OR56A1: variants seen among roughly 807,000 people sequenced by gnomAD.
OR56A1 encodes olfactory receptor family 56 subfamily A member 1.
For synonymous variants in OR56A1, 174 were observed against 159.1 expected (o/e 1.09, Z -0.70); for missense variants, 360 against 380.9 (o/e 0.94, Z 0.46).
In OR56A1 at chr11:6,027,303, G is replaced by A; in HGVS notation, c.390C>T (p.Cys130=). The change falls in exon 2 of 2, where the codon TGC becomes TGT. Residue 130 remains cysteine (C), a synonymous_variant. Transcript: ENST00000641900. ...TGATGGATGGGTACCGCAGTGGGTG[G>A]CAGATGGCCACATAACGGTCATAGG... The part of the protein sequence containing the change: ...VMAYDRYVAI[C]HPLRYPSIIT... 2 of 1,614,246 alleles carry A rather than the reference G, an allele frequency of 1.2e-6. No homozygotes were observed. The highest frequency in any genetic ancestry group is 1.7e-6 in the Non-Finnish European group (2 of 1,180,046).
chr11:6,030,674 G>A (rs933783085), intron 1 of OR56A1, 28 bp downstream of exon 1: 5 of 152,140 alleles, frequency 3.3e-5, no homozygotes, highest in African/African-American at 1.2e-4. Flanking sequence ...GGAAGGCTGT[G>A]CATCTTATGC....
chr11:6,030,177 C>T (rs1005142951), intron 1 of OR56A1, among the ~76,000 whole-genome samples: 28 of 152,220 alleles, frequency 1.8e-4, no homozygotes, highest in African/African-American at 6.0e-4. Context: ...ACTATTACCT[C>T]GAGTAAAAAG....
rs1848430927 is a variant in OR56A1 at position 6,024,815 on chromosome 11, A to G, written c.*1933T>C. On this transcript the variant is annotated 3_prime_UTR_variant, in exon 2 of 2. Transcript: ENST00000641900. Reference sequence around the variant, plus strand: ...CAACTGTGAAATGGAGAGAAGTTCTATTAGAGAATTCTGTGCTTAAAATAT... The same window carrying G: ...CAACTGTGAAATGGAGAGAAGTTCTGTTAGAGAATTCTGTGCTTAAAATAT... 6.6e-6 allele frequency: 1 copy of G among 152,196 alleles called. No homozygotes were observed. 9.4% of individuals were successfully genotyped at this position (152,196 alleles called of 1,614,324 possible).
At position 6,021,472 on chromosome 11, in the gene OR56A1, A is replaced by G. The variant is rs964014739; in HGVS notation, c.*5276T>C. ...TGCTAATTACCCTGATCTGCTCACTACACGTTGTATGTAACTTCATAAATA... is the reference window on the plus strand; with the variant it reads ...TGCTAATTACCCTGATCTGCTCACTGCACGTTGTATGTAACTTCATAAATA... On this transcript the variant is annotated 3_prime_UTR_variant, in exon 2 of 2. Coordinates refer to ENST00000641900, the MANE Select transcript of OR56A1 (RefSeq NM_001388488.1). 6.6e-6 allele frequency: 1 copy of G among 152,124 alleles called. No homozygotes were observed. The allele number at this position is 152,124 out of a possible 1,614,324, so 9.4% of individuals were successfully genotyped here. A position where few individuals can be genotyped will look rare whatever the true frequency, so the allele number is the denominator to read the frequency against.
chr11:6,024,466 T>C lies in OR56A1; in HGVS notation c.*2282A>G, dbSNP rs542682629. Reference sequence around the variant, plus strand: ...CTGGGCTTGCTTCCGGGTGAAATCATGGCAGATGCAGGGAAAGCACTCCTG... The same window carrying C: ...CTGGGCTTGCTTCCGGGTGAAATCACGGCAGATGCAGGGAAAGCACTCCTG... On this transcript the variant is annotated 3_prime_UTR_variant, in exon 2 of 2. Transcript: ENST00000641900. The C allele has an allele frequency of 6.6e-6, 1 of 152,350 alleles. No homozygotes were observed. Among genetic ancestry groups the C allele is most frequent in the Non-Finnish European group, 1.5e-5 (1 of 68,032 alleles). 9.4% of individuals were successfully genotyped at this position (152,350 alleles called of 1,614,324 possible). A position where few individuals can be genotyped will look rare whatever the true frequency, so the allele number is the denominator to read the frequency against.
In OR56A1 at chr11:6,020,907, A is replaced by C. The variant is rs1272021763; in HGVS notation, c.*5841T>G. On this transcript the variant is annotated 3_prime_UTR_variant, in exon 2 of 2. Coordinates refer to ENST00000641900, the MANE Select transcript of OR56A1 (RefSeq NM_001388488.1). ...GCCAGTTTTATAGGGGAATGCTTCC[A>C]TCTTTTGCCCATTTTGGAGGTCAAA... The C allele has an allele frequency of 2.6e-5, 4 of 152,096 alleles. No individual in the cohort carries two copies. The highest frequency in any genetic ancestry group is 1.3e-4 in the Admixed American group (2 of 15,272). 9.4% of individuals were successfully genotyped at this position (152,096 alleles called of 1,614,324 possible).
chr11:6,022,438 CATT>C lies in OR56A1; in HGVS notation c.*4307_*4309del, dbSNP rs1848406553. 6.6e-6 allele frequency: 1 copy of C among 152,142 alleles called. No individual in the cohort carries two copies. Among genetic ancestry groups the C allele is most frequent in the Non-Finnish European group, 1.5e-5 (1 of 68,010 alleles). The allele number at this position is 152,142 out of a possible 1,614,324, so 9.4% of individuals were successfully genotyped here. ...TTATTGTGTTAGGCCACTGTGCTAT[CATT>C]GTTACAGTAGCTAACTTTAATTGCA... On this transcript the variant is annotated 3_prime_UTR_variant, in exon 2 of 2. Transcript: ENST00000641900.
upstream of OR56A1, among the ~76,000 whole-genome samples, chr11:6,031,523 G>A (rs1207377606): frequency 6.6e-6 from 1 of 152,170 alleles, no homozygotes; most frequent in Non-Finnish European, 1.5e-5. Flanking sequence ...CTGAGGCACT[G>A]AGGATGGGAA....
chr11:6,027,554 T>C lies in OR56A1; in HGVS notation c.139A>G (p.Thr47Ala). The change falls in exon 2 of 2, where the codon ACC becomes GCC. Residue 47 changes from threonine (T) to alanine (A), a missense_variant. Coordinates refer to ENST00000641900, the MANE Select transcript of OR56A1 (RefSeq NM_001388488.1). ...TCCAGCTGGATGGTGATCAGGAGGG[T>C]GGTGTTAGCTCCCATGGCCAGGAGG... ...LFLLAMGANT[T>A]LLITIQLEAS... 8 of 1,612,756 alleles carry C rather than the reference T, an allele frequency of 5.0e-6. No individual in the cohort carries two copies. Among genetic ancestry groups the C allele is most frequent in the Non-Finnish European group, 5.9e-6 (7 of 1,179,724 alleles).
At position 6,026,962 on chromosome 11, in the gene OR56A1, C is replaced by A; in HGVS notation, c.731G>T (p.Cys244Phe). Residue 244 changes from cysteine (C) to phenylalanine (F), a missense_variant, in exon 2 of 2, where the codon TGT (cysteine) becomes TTT (phenylalanine). Transcript: ENST00000641900. The part of the protein sequence containing the change: ...EGAAVKALST[C>F]GSHFILILFF... ...AAGAATGAGGATGAAGTGGGAGCCA[C>A]ATGTGCTCAGGGCCTTCACTGCCGC... 3.7e-6 allele frequency: 6 copies of A among 1,614,126 alleles called. No homozygotes were observed. The highest frequency in any genetic ancestry group is 5.1e-6 in the Non-Finnish European group (6 of 1,179,972).
At position 6,020,682 on chromosome 11, in the gene OR56A1, T is replaced by C. The variant is rs1350398625; in HGVS notation, c.*6066A>G. ...TTTGTATCCTGCAACTTTACTAACG[T>C]TTATCAGCTGGAGGAGGTTTTGGGC... is the stretch of plus-strand genomic sequence containing the variant. On this transcript the variant is annotated 3_prime_UTR_variant, in exon 2 of 2. Coordinates refer to ENST00000641900, the MANE Select transcript of OR56A1 (RefSeq NM_001388488.1). 6.6e-6 allele frequency: 1 copy of C among 152,262 alleles called. No individual in the cohort carries two copies. Among genetic ancestry groups the C allele is most frequent in the East Asian group, 1.9e-4 (1 of 5,192 alleles). 9.4% of individuals were successfully genotyped at this position (152,262 alleles called of 1,614,324 possible). A position where few individuals can be genotyped will look rare whatever the true frequency, so the allele number is the denominator to read the frequency against.
In OR56A1 at chr11:6,025,529, T is replaced by C. The variant is rs1203838033; in HGVS notation, c.*1219A>G. On this transcript the variant is annotated 3_prime_UTR_variant, in exon 2 of 2. Coordinates refer to ENST00000641900, the MANE Select transcript of OR56A1 (RefSeq NM_001388488.1). ...TGGTTGGTTGGTTGATTGGTTTTGG[T>C]TTTTGTTTAACTCCCAGCCTTATTG... 2 of 152,270 alleles carry C rather than the reference T, an allele frequency of 1.3e-5. No individual in the cohort carries two copies. The highest frequency in any genetic ancestry group is 2.9e-5 in the Non-Finnish European group (2 of 68,064). The allele number at this position is 152,270 out of a possible 1,614,324, so 9.4% of individuals were successfully genotyped here. A position where few individuals can be genotyped will look rare whatever the true frequency, so the allele number is the denominator to read the frequency against.
At position 6,027,019 on chromosome 11, in the gene OR56A1, A is replaced by G. The variant is rs554287498; in HGVS notation, c.674T>C (p.Leu225Pro). The G allele has an allele frequency of 3.1e-4, 502 of 1,614,214 alleles. 4 individuals are homozygous for G. In the South Asian group the frequency reaches 5.2e-3, roughly 17 times the overall value. Residue 225 changes from leucine (L) to proline (P), a missense_variant, in exon 2 of 2, where the codon CTA becomes CCA. Leu to Pro is a moderately conservative substitution (Grantham distance 98). Coordinates refer to ENST00000641900, the MANE Select transcript of OR56A1 (RefSeq NM_001388488.1). ...FLIFLSYTFI[L>P]RAVLRFKAEG... ...TGCTTTGAATCTAAGCACAGCTCTT[A>G]GAATGAAGGTGTAAGAGAGGAAGAT...
chr11:6,027,208 ATGGGT>A lies in OR56A1; in HGVS notation c.480_484del (p.Pro161SerfsTer16), dbSNP rs1848459906. ...ATGGAGCAGGGAAGTGAGGATAGGAATGGGTGCAGTAAGAAGCGCATTCCGCACCA... is the reference window on the plus strand; with the variant it reads ...ATGGAGCAGGGAAGTGAGGATAGGAAGCAGTAAGAAGCGCATTCCGCACCA... On this transcript the variant is annotated frameshift_variant, in exon 2 of 2. Coordinates refer to ENST00000641900, the MANE Select transcript of OR56A1 (RefSeq NM_001388488.1). LOFTEE classifies it low-confidence loss of function (END_TRUNC). The A allele has an allele frequency of 6.2e-7, 1 of 1,614,106 alleles. No individual in the cohort carries two copies. The highest frequency in any genetic ancestry group is 8.5e-7 in the Non-Finnish European group (1 of 1,180,032).
chr11:6,024,428 C>T lies in OR56A1; in HGVS notation c.*2320G>A, dbSNP rs1379269586. On this transcript the variant is annotated 3_prime_UTR_variant, in exon 2 of 2. Transcript: ENST00000641900. ...TTTTGGCCAAATAACATAGACTCCT[C>T]TTTGAGTTCATTCTGGGCTTGCTTC... 1 of 152,198 alleles carries T rather than the reference C, an allele frequency of 6.6e-6. No homozygotes were observed. Among genetic ancestry groups the T allele is most frequent in the Non-Finnish European group, 1.5e-5 (1 of 68,036 alleles). 9.4% of individuals were successfully genotyped at this position (152,198 alleles called of 1,614,324 possible).
rs766182635 is a variant in OR56A1 at position 6,024,136 on chromosome 11, T to G, written c.*2612A>C. ...AACTAGAGATTAAAGATAGACATGATTTTTCAACTCTTCTTTTAGCCAATT... is the reference window on the plus strand; with the variant it reads ...AACTAGAGATTAAAGATAGACATGAGTTTTCAACTCTTCTTTTAGCCAATT... On this transcript the variant is annotated 3_prime_UTR_variant, in exon 2 of 2. Coordinates refer to ENST00000641900, the MANE Select transcript of OR56A1 (RefSeq NM_001388488.1). 3 of 152,198 alleles carry G rather than the reference T, an allele frequency of 2.0e-5. No individual in the cohort carries two copies. The highest frequency in any genetic ancestry group is 2.9e-5 in the Non-Finnish European group (2 of 68,040). 9.4% of individuals were successfully genotyped at this position (152,198 alleles called of 1,614,324 possible). A position where few individuals can be genotyped will look rare whatever the true frequency, so the allele number is the denominator to read the frequency against.
intron 1 of OR56A1, among the ~76,000 whole-genome samples, chr11:6,028,346 T>C (rs1461677543): frequency 6.6e-6 from 1 of 151,724 alleles, no homozygotes; most frequent in East Asian, 1.9e-4. Context: ...TATAAATTTG[T>C]GATCATTAAC....
At position 6,025,353 on chromosome 11, in the gene OR56A1, C is replaced by T. The variant is rs1848436926; in HGVS notation, c.*1395G>A. The T allele has an allele frequency of 1.3e-5, 2 of 152,248 alleles. No individual in the cohort carries two copies. The highest frequency in any genetic ancestry group is 2.9e-5 in the Non-Finnish European group (2 of 68,060). The allele number at this position is 152,248 out of a possible 1,614,324, so 9.4% of individuals were successfully genotyped here. ...AAACCCTTCTTTGCCAGCTGTCTCT[C>T]TCTGAGTTTCTACCTACAGAGAGCA... is the stretch of plus-strand genomic sequence containing the variant. On this transcript the variant is annotated 3_prime_UTR_variant, in exon 2 of 2. Transcript: ENST00000641900.
chr11:6,034,152 C>T (rs556279815), upstream of OR56A1: 1 of 152,168 alleles, frequency 6.6e-6, no homozygotes, highest in Non-Finnish European at 1.5e-5. Flanking sequence ...GATCAAAATG[C>T]ATCGAGTTGC....
Sources: gnomAD v4.1 joint callset for allele counts (sites outside exome capture counted in the v4.1 genomes callset) on GRCh38, gnomAD v4.1.1 for gene constraint, MANE v1.5 for transcripts, NCBI Gene and HGNC (gene_info 2026-07-23, HGNC 2026-07-21) for gene names.